The following CLSTN2 variants were observed in gnomAD, a reference collection of about 807,000 sequenced individuals.
CLSTN2 encodes calsyntenin 2, also known as calsyntenin-2.
Under a neutral mutation model 101.2 loss-of-function variants are expected in CLSTN2, and 48 were observed. That is an observed-to-expected ratio of 0.47 (90% CI 0.38 to 0.60). The LOEUF is 0.60. CLSTN2 is among the 20% of genes least tolerant of loss of function. The pLI is 0.00. For missense variants in CLSTN2, 1,160 were observed against 1,238.2 expected (o/e 0.94, Z 0.95); for synonymous variants, 481 against 463.6 (o/e 1.04, Z -0.48).
At chr3:140,531,332 A>T (rs940925442) in intron 8 of CLSTN2, among the ~76,000 whole-genome samples, 1 of 152,256 alleles carries the variant, frequency 6.6e-6, no homozygotes, top group Admixed American at 6.5e-5. Context: ...TAATGAAAAA[A>T]ATCTTATTTC....
chr3:140,014,344 A>T (rs930340050), intron 1 of CLSTN2, among the ~76,000 whole-genome samples: 4 of 152,078 alleles, frequency 2.6e-5, no homozygotes, highest in Non-Finnish European at 4.4e-5. Flanking sequence ...CAGACTCTCC[A>T]GAAGCTGGAG....
chr3:140,531,019 C>G (rs568945630), intron 8 of CLSTN2, among the ~76,000 whole-genome samples: 1 of 152,324 alleles, frequency 6.6e-6, no homozygotes, highest in African/African-American at 2.4e-5. Context: ...CAGCCCTGCA[C>G]TCTGTGTTCA....
chr3:140,425,015 G>T (rs917394250), intron 5 of CLSTN2, among the ~76,000 whole-genome samples: 1 of 152,142 alleles, frequency 6.6e-6, no homozygotes, highest in African/African-American at 2.4e-5. Flanking sequence ...GAGAACAGAG[G>T]CCTCTCCCAA....
At chr3:140,233,974 A>G (rs1160206285) in intron 2 of CLSTN2, among the ~76,000 whole-genome samples, 1 of 152,206 alleles carries the variant, frequency 6.6e-6, no homozygotes, top group Non-Finnish European at 1.5e-5. Context: ...TGGCAGAGTT[A>G]AGTAGTCATG....
At chr3:140,395,337 A>C (rs2088169325) in intron 2 of CLSTN2, among the ~76,000 whole-genome samples, 1 of 152,168 alleles carries the variant, frequency 6.6e-6, no homozygotes, top group Admixed American at 6.5e-5. Flanking sequence ...ATTTATTATA[A>C]TTGTAATAAT....
At chr3:140,031,314 A>T (rs1020530744) in intron 1 of CLSTN2, among the ~76,000 whole-genome samples, 3 of 152,206 alleles carry the variant, frequency 2.0e-5, no homozygotes, top group Non-Finnish European at 4.4e-5. Context: ...GCAGCATGAA[A>T]TTCTGAATTA....
intron 2 of CLSTN2, among the ~76,000 whole-genome samples, chr3:140,176,319 A>G (rs1359694796): frequency 2.0e-5 from 3 of 151,994 alleles, no homozygotes; most frequent in Admixed American, 2.0e-4. Context: ...TTCTTCTTCT[A>G]AGGAGTGGTA....
intron 1 of CLSTN2, among the ~76,000 whole-genome samples, chr3:140,014,544 C>A (rs140517043): frequency 1.3e-5 from 2 of 152,082 alleles, no homozygotes; most frequent in Non-Finnish European, 1.5e-5. Context: ...ATAGGGGGTT[C>A]GAGCTCAGTA....
chr3:140,447,100 T>A (rs1469735591), intron 5 of CLSTN2, among the ~76,000 whole-genome samples: 1 of 152,236 alleles, frequency 6.6e-6, no homozygotes, highest in African/African-American at 2.4e-5. Context: ...AGCCTTCTGG[T>A]AACTGCAGCC....
intron 2 of CLSTN2, among the ~76,000 whole-genome samples, chr3:140,257,561 GGTGTGTGT>G (rs397877641): frequency 9.7e-5 from 9 of 93,060 alleles, no homozygotes; most frequent in Non-Finnish European, 1.9e-4. Flanking sequence ...TCTTTCTAGG[GGTGTGTGT>G]GTGTGTGTGT....
At chr3:139,981,973 G>T (rs569311538) in intron 1 of CLSTN2, among the ~76,000 whole-genome samples, 4 of 152,164 alleles carry the variant, frequency 2.6e-5, no homozygotes, top group South Asian at 2.1e-4. Context: ...AGCGCAGCTG[G>T]GTTGGAGAGT....
At chr3:140,367,266 G>A (rs59827020) in intron 2 of CLSTN2, among the ~76,000 whole-genome samples, 9,038 of 152,062 alleles carry the variant, frequency 0.059, 344 homozygotes, top group African/African-American at 0.1. Context: ...TGTAATCCCA[G>A]CACTTTTGGA....
intron 1 of CLSTN2, among the ~76,000 whole-genome samples, chr3:140,084,202 T>C (rs1476858159): frequency 1.3e-5 from 2 of 152,166 alleles, no homozygotes; most frequent in African/African-American, 4.8e-5. Context: ...TGTGCCCTCC[T>C]GAGAGGCACC....
chr3:140,341,659 C>G (rs911540537), intron 2 of CLSTN2, among the ~76,000 whole-genome samples: 3 of 152,214 alleles, frequency 2.0e-5, no homozygotes, highest in Non-Finnish European at 4.4e-5. Context: ...AGCTCAGGAC[C>G]AGGCACACTG....
At chr3:140,528,484 T>C (rs1158942735) in intron 8 of CLSTN2, among the ~76,000 whole-genome samples, 1 of 152,238 alleles carries the variant, frequency 6.6e-6, no homozygotes, top group East Asian at 1.9e-4. Flanking sequence ...GTTATAAGCC[T>C]TTTTGTCAAT....
chr3:140,070,162 T>C (rs988353100), intron 1 of CLSTN2, among the ~76,000 whole-genome samples: 2 of 152,228 alleles, frequency 1.3e-5, no homozygotes, highest in African/African-American at 4.8e-5. Flanking sequence ...CCAGATTCCA[T>C]TTAGATAACA....
At chr3:140,514,881 A>G (rs1479678246) in intron 8 of CLSTN2, among the ~76,000 whole-genome samples, 3 of 152,126 alleles carry the variant, frequency 2.0e-5, no homozygotes, top group African/African-American at 7.2e-5. Context: ...GGGTGACACT[A>G]GCTTCATAGA....
At position 140,102,432 on chromosome 3, in the gene CLSTN2, G is replaced by A. The variant is rs117386031; in HGVS notation, c.110-73519G>A. Among the ~76,000 whole-genome samples the A allele has an allele frequency of 2.6e-5, 4 of 152,344 alleles. No individual in the cohort carries two copies. The East Asian group carries it at 5.8e-4, about 22-fold the overall frequency. The stretch of plus-strand genomic sequence containing the variant: ...ATTGCCTTGGGTCTTCATAGTGACT[G>A]AGCAGGTGACTTCAGGCCCTTGGAA... On this transcript the variant is annotated intron_variant, in intron 1 of 16. Transcript: ENST00000458420.
intron 4 of CLSTN2, among the ~76,000 whole-genome samples, chr3:140,417,938 G>A (rs909885232): frequency 6.6e-6 from 1 of 152,166 alleles, no homozygotes; most frequent in Non-Finnish European, 1.5e-5. Context: ...TAGTTTCTCA[G>A]ACACTTTCAT....
Sources: allele counts gnomAD v4.1 joint callset (sites outside exome capture counted in the v4.1 genomes callset), GRCh38; gene constraint gnomAD v4.1.1; transcripts MANE v1.5; gene names NCBI Gene and HGNC (gene_info 2026-07-23, HGNC 2026-07-21).